The following CPNE4 variants were observed in gnomAD, a reference collection of about 807,000 sequenced individuals.
The protein encoded by CPNE4 is copine 4, also known as copine-4.
In CPNE4, 25 loss-of-function variants were observed where a neutral mutation model predicts 67.9. The ratio of observed to expected loss-of-function variants is 0.37; its 90% CI spans 0.27 to 0.51. The LOEUF (loss-of-function observed/expected upper bound fraction) is 0.51, where lower values mean the gene tolerates loss of function less well. Among genes scored for constraint, CPNE4 ranks in the 20% least tolerant of loss-of-function variants. The probability of loss-of-function intolerance (pLI) is 0.93; values close to 1 mark genes in which losing one functional copy is unlikely to be tolerated. For missense variants in CPNE4, 464 were observed against 690.8 expected (o/e 0.67, Z 3.68); for synonymous variants, 242 against 244.9 (o/e 0.99, Z 0.11).
chr3:131,708,843 A>G (rs1327282396), intron 3 of CPNE4, among the ~76,000 whole-genome samples: 1 of 151,646 alleles, frequency 6.6e-6, no homozygotes, highest in Non-Finnish European at 1.5e-5. Flanking sequence ...GTAAGTTGCT[A>G]CAGTTTTTCT....
chr3:131,918,620 T>C (rs1350874427), intron 1 of CPNE4, among the ~76,000 whole-genome samples: 3 of 152,338 alleles, frequency 2.0e-5, no homozygotes, highest in South Asian at 4.1e-4. Flanking sequence ...TTCCTCTGGC[T>C]GTTTTCTACA....
At chr3:131,854,368 C>T (rs1372335245) in intron 2 of CPNE4, among the ~76,000 whole-genome samples, 1 of 151,646 alleles carries the variant, frequency 6.6e-6, no homozygotes. Context: ...GGAAGAAGAG[C>T]TTGTAAGGGG....
At chr3:132,009,068 G>A (rs1407558619) in intron 1 of CPNE4, among the ~76,000 whole-genome samples, 6 of 152,180 alleles carry the variant, frequency 3.9e-5, no homozygotes, top group East Asian at 1.9e-4. Context: ...GGGTCACTGC[G>A]GAGCTGCCCA....
At chr3:131,971,571 G>C (rs76792568) in intron 1 of CPNE4, among the ~76,000 whole-genome samples, 1 of 152,070 alleles carries the variant, frequency 6.6e-6, no homozygotes, top group Non-Finnish European at 1.5e-5. Context: ...GCCCCAGAGG[G>C]TTATCTGAAC....
intron 2 of CPNE4, among the ~76,000 whole-genome samples, chr3:131,756,779 A>G (rs541708142): frequency 1.3e-5 from 2 of 152,316 alleles, no homozygotes; most frequent in African/African-American, 4.8e-5. Flanking sequence ...CCAAATCTCA[A>G]CTTGGATTGT....
intron 1 of CPNE4, among the ~76,000 whole-genome samples, chr3:132,032,733 G>GAATAA (rs55633418): frequency 0.91 from 137,882 of 152,010 alleles, 62,757 homozygotes; most frequent in Non-Finnish European, 0.93. Context: ...ATGGGCAGGT[G>GAATAA]AATGAGTTCA....
intron 7 of CPNE4, among the ~76,000 whole-genome samples, chr3:131,636,665 A>G (rs758058159): frequency 6.6e-6 from 1 of 152,192 alleles, no homozygotes; most frequent in African/African-American, 2.4e-5. Flanking sequence ...GCAAGTTTGC[A>G]TCCTCCCTAT....
At chr3:131,969,428 C>T (rs2072445493) in intron 1 of CPNE4, among the ~76,000 whole-genome samples, 1 of 151,884 alleles carries the variant, frequency 6.6e-6, no homozygotes, top group Non-Finnish European at 1.5e-5. Context: ...TAATAAAACA[C>T]CTTGTTCAAG....
chr3:131,956,346 G>C (rs2071971859), intron 1 of CPNE4, among the ~76,000 whole-genome samples: 1 of 151,866 alleles, frequency 6.6e-6, no homozygotes, highest in African/African-American at 2.4e-5. Context: ...TCTTATATTT[G>C]AGATATGTGG....
chr3:131,598,683 A>G (rs1255240005), intron 7 of CPNE4, among the ~76,000 whole-genome samples: 2 of 152,210 alleles, frequency 1.3e-5, no homozygotes, highest in Non-Finnish European at 2.9e-5. Flanking sequence ...ACTATACCAC[A>G]TAGCTTCATA....
chr3:131,879,279 T>C (rs1362216269), intron 2 of CPNE4, among the ~76,000 whole-genome samples: 1 of 152,176 alleles, frequency 6.6e-6, no homozygotes, highest in African/African-American at 2.4e-5. Flanking sequence ...AATAAGGATA[T>C]ACATAACAAG....
chr3:131,863,843 G>A (rs565615996), intron 2 of CPNE4, among the ~76,000 whole-genome samples: 1 of 152,090 alleles, frequency 6.6e-6, no homozygotes, highest in Non-Finnish European at 1.5e-5. Context: ...TTTTAGGTCT[G>A]ACATTTAAGT....
chr3:131,564,438 G>A, intron 10 of CPNE4, 89 bp from the exon 11 acceptor site: 1 of 1,269,212 alleles, frequency 7.9e-7, no homozygotes, highest in Non-Finnish European at 1.1e-6. Context: ...CCTGGCCTCG[G>A]GTCAAAAACA....
chr3:131,762,504 CTATT>C (rs1335997343), intron 2 of CPNE4, among the ~76,000 whole-genome samples: 1 of 151,922 alleles, frequency 6.6e-6, no homozygotes, highest in African/African-American at 2.4e-5. Context: ...CTCTCAATAT[CTATT>C]TATGGAGTGC....
chr3:131,853,574 T>G (rs1314997922), intron 2 of CPNE4, among the ~76,000 whole-genome samples: 3 of 151,802 alleles, frequency 2.0e-5, no homozygotes. Context: ...TATATTGGAT[T>G]AATCAAAGTT....
intron 2 of CPNE4, among the ~76,000 whole-genome samples, chr3:131,793,434 A>T (rs111520813): frequency 0.035 from 5,354 of 152,264 alleles, 315 homozygotes; most frequent in African/African-American, 0.12. Context: ...GATTAGAATT[A>T]CTGGGAGAAC....
intron 7 of CPNE4, among the ~76,000 whole-genome samples, chr3:131,666,302 A>C (rs530864700): frequency 2.4e-4 from 37 of 152,298 alleles, no homozygotes; most frequent in African/African-American, 8.4e-4. Context: ...AAAATTGAAA[A>C]CAAAATGAAA....
At position 131,863,697 on chromosome 3, in the gene CPNE4, C is replaced by T. The variant is rs905365500; in HGVS notation, c.180+41567G>A. On this transcript the variant is annotated intron_variant, in intron 2 of 15. Coordinates refer to ENST00000429747, the MANE Select transcript of CPNE4 (RefSeq NM_130808.3). ...GATAGTTTCTTTTGCTGTGCAGAAG[C>T]TCTTTAGTTTAATTAGATCCCATTT... Among the ~76,000 whole-genome samples, 106 of 152,268 alleles carry T rather than the reference C, an allele frequency of 7.0e-4. 1 individual carries two copies. Among genetic ancestry groups the T allele is most frequent in the African/African-American group, 2.5e-3 (102 of 41,556 alleles).
At chr3:131,572,150 C>A (rs930471104) in intron 10 of CPNE4, among the ~76,000 whole-genome samples, 3 of 152,008 alleles carry the variant, frequency 2.0e-5, no homozygotes, top group African/African-American at 7.2e-5. Context: ...ACCAGAAGCA[C>A]CAGCATCTAT....
Sources: allele counts gnomAD v4.1 joint callset (sites outside exome capture counted in the v4.1 genomes callset), GRCh38; gene constraint gnomAD v4.1.1; transcripts MANE v1.5; gene names NCBI Gene and HGNC (gene_info 2026-07-23, HGNC 2026-07-21).